The following ATRN variants were observed in gnomAD, a reference collection of about 807,000 sequenced individuals.
The protein encoded by ATRN is attractin-2.
A neutral mutation model predicts 178.7 loss-of-function variants in ATRN; 54 were observed. The ratio of observed to expected loss-of-function variants is 0.30; its 90% CI spans 0.24 to 0.38. ATRN has a LOEUF of 0.38. ATRN is among the 10% of genes least tolerant of loss of function. ATRN has a pLI of 1.00. For missense variants in ATRN, 1,443 were observed against 1,815.1 expected, an observed-to-expected ratio of 0.79 and a Z score of 3.73; for synonymous variants, 636 against 663.0, an observed-to-expected ratio of 0.96 and a Z score of 0.63.
At chr20:3,606,001 T>C (rs1276142863) in intron 24 of ATRN, among the ~76,000 whole-genome samples, 3 of 152,216 alleles carry the variant, frequency 2.0e-5, no homozygotes, top group South Asian at 2.1e-4. Flanking sequence ...TCTGGAAATA[T>C]GGAGGACAAA....
At chr20:3,517,314 C>T (rs970835712) in intron 1 of ATRN, among the ~76,000 whole-genome samples, 1 of 151,876 alleles carries the variant, frequency 6.6e-6, no homozygotes, top group African/African-American at 2.4e-5. Context: ...TAAAAAAAAT[C>T]TATTTATCCA....
intron 23 of ATRN, 65 bp downstream of exon 23, chr20:3,601,089 G>A: frequency 4.1e-6 from 6 of 1,454,566 alleles, no homozygotes; most frequent in Non-Finnish European, 5.7e-6. Flanking sequence ...TGTAATATAG[G>A]AATTGAGAAA....
At chr20:3,489,613 T>C (rs1255792961) in intron 1 of ATRN, 3 of 1,463,324 alleles carry the variant, frequency 2.1e-6, no homozygotes, top group Middle Eastern at 2.4e-4. Context: ...CTTCCTCCAG[T>C]GTCAGGCTGC....
chr20:3,571,798 G>A (rs1385368243), intron 11 of ATRN, among the ~76,000 whole-genome samples: 1 of 151,760 alleles, frequency 6.6e-6, no homozygotes, highest in Non-Finnish European at 1.5e-5. Flanking sequence ...TTTGCTTATA[G>A]CATTATTTCC....
chr20:3,535,397 G>C, intron 2 of ATRN, 61 bp downstream of exon 2: 1 of 870,266 alleles, frequency 1.1e-6, no homozygotes, highest in Non-Finnish European at 1.7e-6. Flanking sequence ...TGTGACATTA[G>C]TTTTCCCACA....
intron 27 of ATRN, among the ~76,000 whole-genome samples, chr20:3,641,604 A>C (rs1181920596): frequency 6.6e-6 from 1 of 150,922 alleles, no homozygotes; most frequent in African/African-American, 2.4e-5. Flanking sequence ...AAAAAAAAAA[A>C]AAAAAAAAAA....
At chr20:3,637,694 A>G (rs2087036143) in intron 26 of ATRN, among the ~76,000 whole-genome samples, 1 of 152,140 alleles carries the variant, frequency 6.6e-6, no homozygotes. Context: ...GCTGTGCTGT[A>G]GTATCTCATT....
intron 9 of ATRN, 106 bp downstream of exon 9, chr20:3,562,565 C>G: frequency 1.7e-6 from 2 of 1,150,000 alleles, no homozygotes; most frequent in East Asian, 2.4e-5. Context: ...GCAGATAATT[C>G]TGTTCGGCAT....
At chr20:3,626,621 T>C in intron 25 of ATRN, among the ~76,000 whole-genome samples, 1 of 152,106 alleles carries the variant, frequency 6.6e-6, no homozygotes, top group Non-Finnish European at 1.5e-5. Flanking sequence ...TCCATTCTCT[T>C]GTTCACTGAG....
At chr20:3,567,464 C>T (rs2086052811) in intron 11 of ATRN, among the ~76,000 whole-genome samples, 1 of 152,078 alleles carries the variant, frequency 6.6e-6, no homozygotes, top group African/African-American at 2.4e-5. Flanking sequence ...ATTGGGAATG[C>T]CTTGCCTGAG....
At chr20:3,572,253 T>G (rs1350911803) in intron 11 of ATRN, among the ~76,000 whole-genome samples, 1 of 152,204 alleles carries the variant, frequency 6.6e-6, no homozygotes, top group Non-Finnish European at 1.5e-5. Flanking sequence ...ATAGAATTGC[T>G]GTTTAGCATT....
In ATRN at chr20:3,568,774, C is replaced by T. The variant is rs541378046; in HGVS notation, c.1871+3342C>T. Among the ~76,000 whole-genome samples the T allele has an allele frequency of 2.6e-5, 4 of 152,284 alleles. No individual in the cohort carries two copies. In the South Asian group the frequency reaches 8.3e-4, roughly 32 times the overall value. ...GCTCACAGCCAACAGCACTTTAACT[C>T]ATGCCTGAACAAAGCTTATGTAACA... On this transcript the variant is annotated intron_variant, in intron 11 of 28. Transcript: ENST00000262919.
chr20:3,497,487 G>A (rs1031788860), intron 1 of ATRN, among the ~76,000 whole-genome samples: 1 of 151,986 alleles, frequency 6.6e-6, no homozygotes, highest in African/African-American at 2.4e-5. Context: ...TTGAATATTG[G>A]CCCCCACTCT....
chr20:3,630,716 C>G (rs1007450835), intron 25 of ATRN, among the ~76,000 whole-genome samples: 3 of 152,128 alleles, frequency 2.0e-5, no homozygotes, highest in African/African-American at 7.2e-5. Context: ...GTGTAGTAAA[C>G]AAGGACAGAT....
chr20:3,582,038 G>A, intron 15 of ATRN, 97 bp from the exon 16 acceptor site: 2 of 1,165,992 alleles, frequency 1.7e-6, no homozygotes, highest in Non-Finnish European at 2.5e-6. Flanking sequence ...TCAGGAGTTT[G>A]AAACTAGCCA....
chr20:3,490,963 TCTC>T (rs890474395), intron 1 of ATRN: 2 of 1,533,872 alleles, frequency 1.3e-6, no homozygotes, highest in African/African-American at 1.4e-5. Flanking sequence ...AGCCTTTCCT[TCTC>T]CTCATGATAG....
chr20:3,545,973 T>C, intron 4 of ATRN, 83 bp downstream of exon 4: 1 of 1,449,942 alleles, frequency 6.9e-7, no homozygotes, highest in Non-Finnish European at 9.6e-7. Context: ...CTAACATAGA[T>C]TGAGAGCCAG....
intron 1 of ATRN, among the ~76,000 whole-genome samples, chr20:3,476,253 A>C (rs2084528462): frequency 2.0e-5 from 3 of 152,218 alleles, no homozygotes; most frequent in Non-Finnish European, 2.9e-5. Flanking sequence ...CAGATGAGTA[A>C]ACTTGGATGT....
chr20:3,484,410 T>A (rs1344487741), intron 1 of ATRN, among the ~76,000 whole-genome samples: 2 of 152,198 alleles, frequency 1.3e-5, no homozygotes, highest in African/African-American at 4.8e-5. Context: ...AAATTTAAAA[T>A]TTTTGCTTTA....
Sources: gnomAD v4.1 joint callset for allele counts (sites outside exome capture counted in the v4.1 genomes callset) on GRCh38, gnomAD v4.1.1 for gene constraint, MANE v1.5 for transcripts, NCBI Gene and HGNC (gene_info 2026-07-23, HGNC 2026-07-21) for gene names.